The following DPP6 variants were observed in gnomAD, a reference collection of about 807,000 sequenced individuals.
DPP6 encodes the protein dipeptidyl peptidase like 6.
Under a neutral mutation model 122.6 loss-of-function variants are expected in DPP6, and 69 were observed. The observed-to-expected ratio is 0.56, with a 90% CI of 0.46 to 0.69. The LOEUF (loss-of-function observed/expected upper bound fraction) is 0.69. DPP6 is among the 30% of genes least tolerant of loss of function. The pLI is 0.00. For missense variants in DPP6, 928 were observed against 1,116.9 expected (o/e 0.83, Z 2.41); for synonymous variants, 418 against 433.1 (o/e 0.97, Z 0.43).
At chr7:153,847,678 C>G in the DPP6 span, among the ~76,000 whole-genome samples, 5 of 152,184 alleles carry the variant, frequency 3.3e-5, no homozygotes. Context: ...AAAGTGTCTA[C>G]TAAGCCCCTT....
chr7:154,052,839 A>G lies in DPP6; in HGVS notation c.19A>G (p.Arg7Gly). 6.5e-7 allele frequency: 1 copy of G among 1,533,898 alleles called. No homozygotes were observed. Among genetic ancestry groups the G allele is most frequent in the Non-Finnish European group, 8.8e-7 (1 of 1,140,062 alleles). MASLYQ[R>G]FTGKINTSRS... ...GTGCCCGATGGCTTCGCTGTACCAG[A>G]GGTTCACTGGCAAGATCAACACCTC... Residue 7 changes from arginine to glycine, a missense_variant, in exon 1 of 26, where the codon AGG (arginine) becomes GGG (glycine). Physicochemically the swap from Arg to Gly is moderately radical, Grantham distance 125. Coordinates refer to ENST00000377770, the MANE Select transcript of DPP6 (RefSeq NM_130797.4). This position sits in a 1 kb window ranked among gnomAD's most constrained non-coding sequence, Gnocchi z 4.8.
intron 6 of DPP6, among the ~76,000 whole-genome samples, chr7:154,655,228 T>C (rs1837160986): frequency 1.3e-5 from 2 of 152,204 alleles, no homozygotes; most frequent in Non-Finnish European, 2.9e-5. Flanking sequence ...CCAAATGCTG[T>C]TGCTGTTATA....
intron 1 of DPP6, among the ~76,000 whole-genome samples, chr7:153,953,117 T>G (rs1251785365): frequency 6.6e-6 from 1 of 152,172 alleles, no homozygotes; most frequent in Non-Finnish European, 1.5e-5. Context: ...TGAAAACCAC[T>G]GAAAATAAAT....
Position 154,655,625 on chromosome 7 carries a change from C to A in DPP6, c.681-13735C>A, listed in dbSNP as rs569954150. Among the ~76,000 whole-genome samples the A allele has an allele frequency of 5.9e-5, 9 of 152,346 alleles. No individual in the cohort carries two copies. The East Asian group carries it at 1.7e-3, about 29-fold the overall frequency. On this transcript the variant is annotated intron_variant, in intron 6 of 25. Transcript: ENST00000377770. ...GTCTTCCTCTCTGTCACACACACAC[C>A]TCTAAGAATTTCAGCAGAATCCGGG...
intron 1 of DPP6, among the ~76,000 whole-genome samples, chr7:154,104,449 G>A (rs1805994970): frequency 6.6e-6 from 1 of 152,250 alleles, no homozygotes; most frequent in African/African-American, 2.4e-5. Context: ...AGTGCCCATG[G>A]TGGAACGTGC....
intron 7 of DPP6, among the ~76,000 whole-genome samples, chr7:154,671,331 C>T (rs1001166880): frequency 5.9e-5 from 9 of 152,204 alleles, no homozygotes; most frequent in Admixed American, 6.5e-5. Flanking sequence ...GGCCTCATCA[C>T]CCCACTACAG....
intron 8 of DPP6, among the ~76,000 whole-genome samples, chr7:154,765,536 T>G (rs748465799): frequency 1.3e-5 from 2 of 152,182 alleles, no homozygotes; most frequent in African/African-American, 2.4e-5. Context: ...GATATGACCT[T>G]AATGCTGCTT....
intron 4 of DPP6, among the ~76,000 whole-genome samples, chr7:154,557,148 G>A (rs1009936958): frequency 6.6e-6 from 1 of 152,106 alleles, no homozygotes; most frequent in Non-Finnish European, 1.5e-5. Context: ...GCACCCATCG[G>A]GGGCATCCAA....
chr7:154,514,018 T>C (rs1826293037), intron 3 of DPP6, among the ~76,000 whole-genome samples: 1 of 152,220 alleles, frequency 6.6e-6, no homozygotes, highest in Non-Finnish European at 1.5e-5. Context: ...CTTATGCCTG[T>C]AATCCTATCA....
chr7:154,686,931 C>G (rs867105994), intron 7 of DPP6, among the ~76,000 whole-genome samples: 1 of 152,180 alleles, frequency 6.6e-6, no homozygotes, highest in African/African-American at 2.4e-5. Flanking sequence ...CCAGGTCCAC[C>G]GGGTTCCGGG....
At chr7:154,594,553 C>T (rs1465857992) in intron 5 of DPP6, among the ~76,000 whole-genome samples, 1 of 152,170 alleles carries the variant, frequency 6.6e-6, no homozygotes, top group Non-Finnish European at 1.5e-5. Flanking sequence ...TTATTGAATT[C>T]CTAGGATGTT....
intron 1 of DPP6, among the ~76,000 whole-genome samples, chr7:154,356,814 C>T (rs1364790681): frequency 2.0e-5 from 3 of 151,894 alleles, no homozygotes; most frequent in Non-Finnish European, 4.4e-5. Flanking sequence ...ATGCAGACTG[C>T]ATGAAATAAA....
At chr7:154,610,584 G>A (rs35518148) in intron 5 of DPP6, among the ~76,000 whole-genome samples, 61,433 of 151,920 alleles carry the variant, frequency 0.4, 13,428 homozygotes, top group East Asian at 0.65. Context: ...TGCTTCTACG[G>A]CCAACATTCT....
intron 1 of DPP6, among the ~76,000 whole-genome samples, chr7:154,017,191 C>T (rs1001376737): frequency 1.3e-5 from 2 of 152,150 alleles, no homozygotes; most frequent in African/African-American, 4.8e-5. Flanking sequence ...CCTCAGCCTC[C>T]CGAGTAACTG....
chr7:154,660,226 C>T (rs377450419), intron 6 of DPP6, among the ~76,000 whole-genome samples: 5 of 148,998 alleles, frequency 3.4e-5, no homozygotes, highest in Admixed American at 6.7e-5. Context: ...GCATATTGGC[C>T]GTAGTGTTCA....
chr7:153,943,442 T>C (rs183797292), intron 1 of DPP6, among the ~76,000 whole-genome samples: 1 of 152,196 alleles, frequency 6.6e-6, no homozygotes, highest in Non-Finnish European at 1.5e-5. Context: ...CCAAATTCCA[T>C]CAAATCATGT....
chr7:153,990,986 T>G (rs1797148923), intron 1 of DPP6, among the ~76,000 whole-genome samples: 1 of 152,208 alleles, frequency 6.6e-6, no homozygotes. Context: ...CAAAGTCCCC[T>G]TGGGATGTGC....
chr7:154,174,313 G>A (rs1364274511), intron 1 of DPP6, among the ~76,000 whole-genome samples: 1 of 152,228 alleles, frequency 6.6e-6, no homozygotes, highest in African/African-American at 2.4e-5. Flanking sequence ...TCATTACAGT[G>A]CATGGCACAT....
At chr7:154,718,552 C>A (rs772004495) in intron 7 of DPP6, among the ~76,000 whole-genome samples, 3 of 149,958 alleles carry the variant, frequency 2.0e-5, no homozygotes, top group African/African-American at 2.4e-5. Flanking sequence ...TACTCCCACA[C>A]CCCCCCCAAC....
Sources: gnomAD v4.1 joint callset for allele counts (sites outside exome capture counted in the v4.1 genomes callset) on GRCh38, gnomAD v4.1.1 for gene constraint, Gnocchi (gnomAD v3.1) non-coding constraint, MANE v1.5 for transcripts, NCBI Gene and HGNC (gene_info 2026-07-23, HGNC 2026-07-21) for gene names.